The following FREM2 variants were observed in gnomAD, a reference collection of about 807,000 sequenced individuals.
The protein encoded by FREM2 is FRAS1 related extracellular matrix 2.
FREM2 carries 119 observed loss-of-function variants against 219.9 expected under a neutral mutation model. That is an observed-to-expected ratio of 0.54 (90% confidence interval 0.47 to 0.63). The LOEUF (loss-of-function observed/expected upper bound fraction) is 0.63. Ranked by LOEUF, FREM2 falls within the 30% of genes least tolerant of loss-of-function variation. FREM2 has a pLI of 0.00. For synonymous variants in FREM2, 1,562 were observed against 1,522.8 expected (o/e 1.03, Z -0.60); for missense variants, 4,030 against 3,993.6 (o/e 1.01, Z -0.25).
intron 2 of FREM2, among the ~76,000 whole-genome samples, chr13:38,702,787 A>AG (rs1171386953): frequency 6.6e-6 from 1 of 152,156 alleles, no homozygotes; most frequent in African/African-American, 2.4e-5. Flanking sequence ...ATAGGCATGC[A>AG]GTCTCAGTGA....
Position 38,692,110 on chromosome 13 carries a change from T to C in FREM2, c.4766T>C (p.Val1589Ala). The C allele has an allele frequency of 6.2e-7, 1 of 1,614,178 alleles. No individual in the cohort carries two copies. The highest frequency in any genetic ancestry group is 8.5e-7 in the Non-Finnish European group (1 of 1,180,000). Residue 1589 changes from valine (V) to alanine (A), a missense_variant, in exon 1 of 24, where the codon GTC (valine) becomes GCC (alanine). Coordinates refer to ENST00000280481, the MANE Select transcript of FREM2 (RefSeq NM_207361.6). Reference protein sequence around the residue: ...GHLLFNNTRPVMVFTKQDLNE... With the variant: ...GHLLFNNTRPAMVFTKQDLNE... ...CTCCTATTCAACAATACCAGACCTG[T>C]CATGGTTTTTACCAAGCAAGACTTG...
intron 6 of FREM2, among the ~76,000 whole-genome samples, chr13:38,843,537 A>G (rs1274315600): frequency 6.6e-6 from 1 of 152,010 alleles, no homozygotes; most frequent in Admixed American, 6.6e-5. Flanking sequence ...GATTTTGCAT[A>G]GATACCTTTC....
At position 38,779,343 on chromosome 13, in the gene FREM2, A is replaced by G. The variant is rs568005910; in HGVS notation, c.5642-3727A>G. The stretch of plus-strand genomic sequence containing the variant: ...AAACCACCATCGCCCATGTATACCT[A>G]TGTAACAAACCTACACGTTCTGCAC... On this transcript the variant is annotated intron_variant, in intron 4 of 23. Coordinates refer to ENST00000280481, the MANE Select transcript of FREM2 (RefSeq NM_207361.6). 2.6e-5 allele frequency: 4 copies of G among 152,192 alleles called. No individual in the cohort carries two copies. In the South Asian group the frequency reaches 6.2e-4, roughly 24 times the overall value. The allele number at this position is 152,192 out of a possible 1,614,324, so 9.4% of individuals were successfully genotyped here. A position where few individuals can be genotyped will look rare whatever the true frequency, so the allele number is the denominator to read the frequency against.
intron 14 of FREM2, among the ~76,000 whole-genome samples, chr13:38,860,467 G>A (rs572751090): frequency 9.9e-5 from 15 of 152,056 alleles, no homozygotes; most frequent in Non-Finnish European, 1.5e-4. Context: ...TTTGCACACC[G>A]CATTCAAAAG....
At chr13:38,722,901 T>A (rs903273105) in intron 2 of FREM2, among the ~76,000 whole-genome samples, 7 of 152,022 alleles carry the variant, frequency 4.6e-5, no homozygotes, top group Non-Finnish European at 1.0e-4. Context: ...AAATTGTAGG[T>A]CAAAGTGTTG....
intron 4 of FREM2, among the ~76,000 whole-genome samples, chr13:38,777,341 G>T (rs1170045313): frequency 6.6e-6 from 1 of 151,942 alleles, no homozygotes; most frequent in Non-Finnish European, 1.5e-5. Flanking sequence ...TTTTTCTCTG[G>T]TGTAAGTGAT....
chr13:38,770,947 G>A (rs1031541283), intron 4 of FREM2, among the ~76,000 whole-genome samples: 4 of 151,816 alleles, frequency 2.6e-5, no homozygotes, highest in African/African-American at 9.7e-5. Flanking sequence ...TCTAAAGCTA[G>A]GATCCTGTCA....
chr13:38,789,407 TTATG>T (rs1008834385), intron 6 of FREM2, among the ~76,000 whole-genome samples: 1 of 151,816 alleles, frequency 6.6e-6, no homozygotes, highest in Non-Finnish European at 1.5e-5. Context: ...GCATGTCTAT[TTATG>T]TATCCATTTT....
In FREM2 at chr13:38,687,681, G is replaced by A; in HGVS notation, c.337G>A (p.Asp113Asn). Residue 113 changes from aspartate (D) to asparagine (N), a missense_variant, in exon 1 of 24, where the codon GAC becomes AAC. Transcript: ENST00000280481. ...CTGCGCGGTTTCGGTACTAGACAAC[G>A]ACGCACTGGCCCAGCGACCGGGCCG... ...DRCAVSVLDN[D>N]ALAQRPGRLS... The A allele has an allele frequency of 6.3e-7, 1 of 1,588,574 alleles. No individual in the cohort carries two copies. Among genetic ancestry groups the A allele is most frequent in the South Asian group, 1.1e-5 (1 of 88,168 alleles).
chr13:38,874,672 G>A, intron 18 of FREM2, 86 bp downstream of exon 18: 2 of 1,024,438 alleles, frequency 2.0e-6, no homozygotes, highest in South Asian at 2.5e-5. Context: ...GTGCTTCTCT[G>A]TTACCACTGA....
chr13:38,716,888 C>T (rs1477193675), intron 2 of FREM2, among the ~76,000 whole-genome samples: 2 of 152,178 alleles, frequency 1.3e-5, no homozygotes, highest in Non-Finnish European at 2.9e-5. Flanking sequence ...CACGCATAGA[C>T]AAAAATTTGA....
At chr13:38,818,975 C>A (rs1875886493) in intron 6 of FREM2, among the ~76,000 whole-genome samples, 1 of 152,012 alleles carries the variant, frequency 6.6e-6, no homozygotes, top group South Asian at 2.1e-4. Context: ...ACTAACTACC[C>A]TTATTGTGTC....
intron 4 of FREM2, among the ~76,000 whole-genome samples, chr13:38,780,097 A>T (rs1185397560): frequency 6.6e-6 from 1 of 152,162 alleles, no homozygotes; most frequent in Non-Finnish European, 1.5e-5. Context: ...TTAGATTTCC[A>T]TTCGGACCTC....
Position 38,689,252 on chromosome 13 carries a change from T to C in FREM2, c.1908T>C (p.Tyr636=). 1 of 1,614,068 alleles carries C rather than the reference T, an allele frequency of 6.2e-7. No homozygotes were observed. Among genetic ancestry groups the C allele is most frequent in the South Asian group, 1.1e-5 (1 of 91,082 alleles). ...TTTGGAGGAAGGAGGGGGCATTTTA[T>C]GAGCGAACAGTGACAGAGTGGCAGC... ...RGLWRKEGAF[Y]ERTVTEWQQQ... The change falls in exon 1 of 24, where the codon TAT becomes TAC. Residue 636 remains tyrosine, a synonymous_variant. Transcript: ENST00000280481.
intron 2 of FREM2, among the ~76,000 whole-genome samples, chr13:38,733,950 A>G (rs1871873729): frequency 6.6e-6 from 1 of 152,238 alleles, no homozygotes; most frequent in Non-Finnish European, 1.5e-5. Context: ...ATAAAAATAA[A>G]TCTTCTGGCA....
Position 38,689,820 on chromosome 13 carries a change from G to A in FREM2, c.2476G>A (p.Asp826Asn). ...CTTTACCCTTTACTTGCATCCCGTG[G>A]ACAACCAGCCACCTGAGATCCTCAA... ...GTFTLYLHPV[D>N]NQPPEILNTG... The change falls in exon 1 of 24, where the codon GAC (aspartate) becomes AAC (asparagine). Residue 826 changes from aspartate to asparagine, a missense_variant. Transcript: ENST00000280481. The A allele has an allele frequency of 1.2e-6, 2 of 1,614,126 alleles. No homozygotes were observed. Among genetic ancestry groups the A allele is most frequent in the Non-Finnish European group, 1.7e-6 (2 of 1,180,020 alleles).
chr13:38,822,513 C>T (rs566711667), intron 6 of FREM2, among the ~76,000 whole-genome samples: 33 of 152,008 alleles, frequency 2.2e-4, no homozygotes, highest in African/African-American at 7.2e-4. Flanking sequence ...TAGAAGTGGT[C>T]TAGGTGTTGC....
At chr13:38,775,784 A>T (rs887961630) in intron 4 of FREM2, among the ~76,000 whole-genome samples, 4 of 152,032 alleles carry the variant, frequency 2.6e-5, no homozygotes, top group African/African-American at 9.7e-5. Context: ...ATACCCAGCT[A>T]ATTTTTGTAT....
chr13:38,757,413 T>C (rs1164110037), intron 2 of FREM2, among the ~76,000 whole-genome samples: 2 of 152,172 alleles, frequency 1.3e-5, no homozygotes, highest in Non-Finnish European at 2.9e-5. Context: ...TTCAGTGTAG[T>C]TTGTGTGACA....
Sources: gnomAD v4.1 joint callset for allele counts (sites outside exome capture counted in the v4.1 genomes callset) on GRCh38, gnomAD v4.1.1 for gene constraint, MANE v1.5 for transcripts, NCBI Gene and HGNC (gene_info 2026-07-23, HGNC 2026-07-21) for gene names.